ENAH: variants seen among roughly 807,000 people sequenced by gnomAD.
The protein encoded by ENAH is ENAH actin regulator.
ENAH carries 23 observed loss-of-function variants against 78.7 expected under a neutral mutation model. That is an observed-to-expected ratio of 0.29 (90% CI 0.21 to 0.41). The LOEUF (loss-of-function observed/expected upper bound fraction) is 0.41. Among genes scored for constraint, ENAH ranks in the 10% least tolerant of loss-of-function variants. ENAH has a pLI of 1.00. For missense variants in ENAH, 544 were observed against 691.0 expected (o/e 0.79, Z 2.39); for synonymous variants, 226 against 241.0 (o/e 0.94, Z 0.58).
intron 1 of ENAH, among the ~76,000 whole-genome samples, chr1:225,570,795 C>T (rs1029597893): frequency 2.0e-5 from 3 of 150,564 alleles, no homozygotes; most frequent in Admixed American, 6.6e-5. Context: ...CCTGTCTCTA[C>T]TAAAAATGCA....
chr1:225,534,836 T>C (rs2096554000), intron 3 of ENAH, among the ~76,000 whole-genome samples: 1 of 152,144 alleles, frequency 6.6e-6, no homozygotes, highest in African/African-American at 2.4e-5. Flanking sequence ...TACGTATCCT[T>C]AGATATATAT....
intron 4 of ENAH, among the ~76,000 whole-genome samples, chr1:225,521,551 G>A (rs146472899): frequency 0.043 from 6,493 of 151,414 alleles, 230 homozygotes; most frequent in South Asian, 0.11. Context: ...TGAGGCAGGA[G>A]GATCACTTGA....
intron 1 of ENAH, among the ~76,000 whole-genome samples, chr1:225,614,152 GGGT>G (rs2097009988): frequency 6.6e-6 from 1 of 151,534 alleles, no homozygotes; most frequent in South Asian, 2.1e-4. Context: ...TCCACCTACT[GGGT>G]TCAAGTGATT....
Position 225,593,401 on chromosome 1 carries a change from GGGGGGGGGGGGGGGGGT to G in ENAH, c.6-26004_6-25988del, listed in dbSNP as rs1411007854. On this transcript the variant is annotated intron_variant, in intron 1 of 13. Transcript: ENST00000366843. ...CTGCAGCCTGCCCCTGTGTGTGTGT[GGGGGGGGGGGGGGGGGT>G]GGGGGGTGCCCTAGTATGAGAACCC... 4.3e-3 allele frequency among the ~76,000 whole-genome samples: 137 copies of G among 31,598 alleles called. 6 individuals are homozygous for G. The highest frequency in any genetic ancestry group is 2.5e-3 in the Non-Finnish European group (45 of 18,032). 20.7% of individuals were successfully genotyped at this position (31,598 alleles called of 152,430 possible).
At chr1:225,640,173 T>G (rs2148437628) in intron 1 of ENAH, among the ~76,000 whole-genome samples, 1 of 152,308 alleles carries the variant, frequency 6.6e-6, no homozygotes, top group South Asian at 2.1e-4. Context: ...ATAACATGGA[T>G]AGTTTCATGT....
At chr1:225,574,277 T>C (rs1018891399) in intron 1 of ENAH, among the ~76,000 whole-genome samples, 28 of 152,086 alleles carry the variant, frequency 1.8e-4, no homozygotes, top group Admixed American at 1.7e-3. Flanking sequence ...TCCTGGCATA[T>C]AGTAAAAGTG....
In ENAH at chr1:225,508,905, G is replaced by A. The variant is rs145057291; in HGVS notation, c.1472-888C>T. On this transcript the variant is annotated intron_variant, in intron 10 of 13. Transcript: ENST00000366843. ...CTCAGCTGGCTTTTGCACATTCTCA[G>A]GTAGCTTACCGTCTCTTCAAAGTAC... Among the ~76,000 whole-genome samples, 57 of 152,260 alleles carry A rather than the reference G, an allele frequency of 3.7e-4. 1 individual carries two copies. The East Asian group carries it at 0.011, about 29-fold the overall frequency.
intron 3 of ENAH, among the ~76,000 whole-genome samples, chr1:225,536,087 T>C (rs2096560213): frequency 1.3e-5 from 2 of 152,164 alleles, no homozygotes; most frequent in African/African-American, 4.8e-5. Context: ...TATTCACTGA[T>C]ACAAAATAAG....
intron 1 of ENAH, among the ~76,000 whole-genome samples, chr1:225,614,253 T>A (rs531919936): frequency 6.6e-6 from 1 of 152,098 alleles, no homozygotes; most frequent in African/African-American, 2.4e-5. Context: ...GAGACGGGGT[T>A]TCCCCATGTT....
In ENAH at chr1:225,488,520, TAAA is replaced by T. The variant is rs957552050; in HGVS notation, c.*9252_*9254del. On this transcript the variant is annotated 3_prime_UTR_variant, in exon 14 of 14. Coordinates refer to ENST00000366843, the MANE Select transcript of ENAH (RefSeq NM_018212.6). ...ACTCCAGAGAGGTTTCCTCAAAAATTAAAAAAAAAATTCTATGCAAATATGTAA... is the reference window on the plus strand; with the variant it reads ...ACTCCAGAGAGGTTTCCTCAAAAATTAAAAAAATTCTATGCAAATATGTAA... 4 of 150,196 alleles carry T rather than the reference TAAA, an allele frequency of 2.7e-5. No homozygotes were observed. Among genetic ancestry groups the T allele is most frequent in the Admixed American group, 6.6e-5 (1 of 15,044 alleles). The allele number at this position is 150,196 out of a possible 1,614,324, so 9.3% of individuals were successfully genotyped here. A position where few individuals can be genotyped will look rare whatever the true frequency, so the allele number is the denominator to read the frequency against.
intron 1 of ENAH, among the ~76,000 whole-genome samples, chr1:225,579,979 G>A (rs1464262477): frequency 1.3e-5 from 2 of 152,058 alleles, no homozygotes; most frequent in Non-Finnish European, 2.9e-5. Flanking sequence ...TAGCTTCCTA[G>A]TGGTAAACTT....
At chr1:225,553,718 C>T (rs2096652779) in intron 3 of ENAH, among the ~76,000 whole-genome samples, 1 of 152,180 alleles carries the variant, frequency 6.6e-6, no homozygotes, top group African/African-American at 2.4e-5. Flanking sequence ...AAATGACCTA[C>T]ATACAAGACT....
At chr1:225,566,445 T>C (rs17502297) in intron 2 of ENAH, among the ~76,000 whole-genome samples, 6,791 of 152,222 alleles carry the variant, frequency 0.045, 234 homozygotes, top group South Asian at 0.11. Flanking sequence ...ACCTAGGAAC[T>C]TACCTTTCTT....
At chr1:225,574,611 T>TAAAAAAA (rs1575581530) in intron 1 of ENAH, among the ~76,000 whole-genome samples, 5,736 of 26,092 alleles carry the variant, frequency 0.22, 2,552 homozygotes, top group Middle Eastern at 0.58. Context: ...CCAAAATATA[T>TAAAAAAA]AAAAAAAAGG....
chr1:225,513,134 A>AT, intron 7 of ENAH, 118 bp from the exon 8 acceptor site: 3 of 926,102 alleles, frequency 3.2e-6, no homozygotes, highest in Non-Finnish European at 4.6e-6. Flanking sequence ...CCTAAATATT[A>AT]TTTTTTAAGC....
chr1:225,548,554 G>A (rs1366625282), intron 3 of ENAH, among the ~76,000 whole-genome samples: 2 of 152,170 alleles, frequency 1.3e-5, no homozygotes, highest in Non-Finnish European at 2.9e-5. Context: ...TGAACTGAAG[G>A]CCAGACAAAC....
At chr1:225,530,731 A>G (rs755641031) in intron 3 of ENAH, 93 bp from the exon 4 acceptor site, 8 of 986,924 alleles carry the variant, frequency 8.1e-6, no homozygotes, top group Non-Finnish European at 1.3e-5. Context: ...AAACCATCAC[A>G]TATTTACAAA....
At chr1:225,584,997 T>C (rs2096837945) in intron 1 of ENAH, among the ~76,000 whole-genome samples, 1 of 151,656 alleles carries the variant, frequency 6.6e-6, no homozygotes, top group Admixed American at 6.6e-5. Context: ...GGTGGATCAT[T>C]TGAGGTCAGG....
chr1:225,519,240 C>T lies in ENAH; in HGVS notation c.760G>A (p.Glu254Lys), dbSNP rs1046795023. The T allele has an allele frequency of 6.2e-7, 1 of 1,614,232 alleles. No homozygotes were observed. The highest frequency in any genetic ancestry group is 8.5e-7 in the Non-Finnish European group (1 of 1,180,044). ...CGCTCTCTCTCCCATTCCAGCTGTT[C>T]CCTTTCTAACTGCTCTTGTCGCTCC... ...ERERQEQLER[E>K]QLEWERERRI... The change falls in exon 5 of 14, where the codon GAA becomes AAA. Residue 254 changes from glutamate (E) to lysine (K), a missense_variant. By Grantham distance (56) the Glu-to-Lys change is moderately conservative. Coordinates refer to ENST00000366843, the MANE Select transcript of ENAH (RefSeq NM_018212.6).
Sources: gnomAD v4.1 joint callset for allele counts (sites outside exome capture counted in the v4.1 genomes callset) on GRCh38, gnomAD v4.1.1 for gene constraint, MANE v1.5 for transcripts, NCBI Gene and HGNC (gene_info 2026-07-23, HGNC 2026-07-21) for gene names.